Variants in STAB2 observed in about 807,000 individuals in gnomAD.
STAB2 encodes the protein stabilin-2.
A neutral mutation model predicts 338.1 loss-of-function variants in STAB2; 288 were observed. The ratio of observed to expected loss-of-function variants is 0.85; its 90% CI spans 0.77 to 0.94. The LOEUF is 0.94. Among genes scored for constraint, STAB2 ranks in the 40% least tolerant of loss-of-function variants. STAB2 has a pLI of 0.00. For missense variants in STAB2, 3,141 were observed against 3,210.1 expected, an observed-to-expected ratio of 0.98 and a Z score of 0.52; for synonymous variants, 1,202 against 1,193.3, an observed-to-expected ratio of 1.01 and a Z score of -0.15.
chr12:103,759,378 C>T (rs1193709569), intron 65 of STAB2, 105 bp downstream of exon 65: 2 of 1,461,140 alleles, frequency 1.4e-6, no homozygotes, highest in Non-Finnish European at 9.1e-7. Flanking sequence ...CAAACATAAA[C>T]TCTAAACCTG....
In STAB2 at chr12:103,695,567, A is replaced by C; in HGVS notation, c.3393A>C (p.Arg1131Ser). 6.2e-7 allele frequency: 1 copy of C among 1,614,158 alleles called. No individual in the cohort carries two copies. Among genetic ancestry groups the C allele is most frequent in the Non-Finnish European group, 8.5e-7 (1 of 1,180,030 alleles). ...TTTTTCAGGTGCTGGTCCCACAAAG[A>C]CGTCTAACTGGCTCCTTACCAAACC... ...HIINKVLVPQ[R>S]RLTGSLPNLL... The change falls in exon 32 of 69, where the codon AGA (arginine) becomes AGC (serine). Residue 1131 changes from arginine to serine, a missense_variant. By Grantham distance (110) the Arg-to-Ser change is moderately radical. Transcript: ENST00000388887.
At chr12:103,707,245 T>C (rs1016575715) in intron 38 of STAB2, among the ~76,000 whole-genome samples, 3 of 152,268 alleles carry the variant, frequency 2.0e-5, no homozygotes, top group Non-Finnish European at 2.9e-5. Flanking sequence ...CCAGCCCAAA[T>C]GCGTTTTTAT....
intron 64 of STAB2, among the ~76,000 whole-genome samples, chr12:103,758,929 C>T (rs1884336264): frequency 6.6e-6 from 1 of 152,178 alleles, no homozygotes; most frequent in Admixed American, 6.5e-5. Flanking sequence ...AAATGACATT[C>T]AATCCCCCAT....
In STAB2 at chr12:103,660,769, T is replaced by C; in HGVS notation, c.1869+6T>C. 2 of 1,613,814 alleles carry C rather than the reference T, an allele frequency of 1.2e-6. No individual in the cohort carries two copies. The highest frequency in any genetic ancestry group is 1.7e-6 in the Non-Finnish European group (2 of 1,179,824). ...AGTTCAACACCACCGACAATGTAAG[T>C]GAAAACTCAACCACCACCAGCATCA... On this transcript the variant is annotated splice_donor_region_variant and intron_variant, in intron 17 of 68. Coordinates refer to ENST00000388887, the MANE Select transcript of STAB2 (RefSeq NM_017564.10).
chr12:103,678,366 C>T (rs1876579920), intron 25 of STAB2, among the ~76,000 whole-genome samples: 1 of 152,156 alleles, frequency 6.6e-6, no homozygotes. Flanking sequence ...TGATATCTCC[C>T]ACTTGACCCC....
intron 15 of STAB2, among the ~76,000 whole-genome samples, chr12:103,656,143 C>T (rs527434940): frequency 1.3e-5 from 2 of 152,328 alleles, no homozygotes; most frequent in South Asian, 2.1e-4. Context: ...TGACTGAAAC[C>T]ATTTAAAGTG....
rs150530101 is a variant in STAB2 at position 103,637,594 on chromosome 12, C to A, written c.709+358C>A. Among the ~76,000 whole-genome samples the A allele has an allele frequency of 2.6e-3, 399 of 152,206 alleles. 3 individuals carry two copies. In the Middle Eastern group the frequency reaches 0.027, roughly 10 times the overall value. ...CCGTCTGGGTTCAGTCCCAGATCTG[C>A]CTTCTACTGACTACATGACCTTTAA... On this transcript the variant is annotated intron_variant, in intron 7 of 68. Transcript: ENST00000388887.
chr12:103,678,224 G>C (rs960718497), intron 25 of STAB2, among the ~76,000 whole-genome samples: 1 of 152,172 alleles, frequency 6.6e-6, no homozygotes, highest in African/African-American at 2.4e-5. Context: ...TTTGAATCTT[G>C]ATACAGTTTC....
chr12:103,648,472 A>G (rs1282127903), intron 9 of STAB2, among the ~76,000 whole-genome samples: 1 of 152,196 alleles, frequency 6.6e-6, no homozygotes, highest in Non-Finnish European at 1.5e-5. Flanking sequence ...GACAAAGAGC[A>G]TACAAAGATA....
chr12:103,633,221 T>C (rs1234235722), intron 6 of STAB2, among the ~76,000 whole-genome samples: 3 of 152,196 alleles, frequency 2.0e-5, no homozygotes, highest in African/African-American at 7.2e-5. Flanking sequence ...GAAGCCAGCC[T>C]AAGGGAAAAC....
rs1009011055 is a variant in STAB2 at position 103,631,499 on chromosome 12, G to A, written c.488-99G>A. On this transcript the variant is annotated intron_variant, in intron 5 of 68. Transcript: ENST00000388887. Reference sequence around the variant, plus strand: ...AGAGGAGCCAAAGTTCAAACAACATGCAGAGTCTCAGCAAAGATGATCTAA... The same window carrying A: ...AGAGGAGCCAAAGTTCAAACAACATACAGAGTCTCAGCAAAGATGATCTAA... 2.6e-5 allele frequency: 30 copies of A among 1,152,422 alleles called. No homozygotes were observed. The African/African-American group carries it at 3.4e-4, about 13-fold the overall frequency. 71.4% of individuals were successfully genotyped at this position (1,152,422 alleles called of 1,614,324 possible). A position where few individuals can be genotyped will look rare whatever the true frequency, so the allele number is the denominator to read the frequency against.
Position 103,735,580 on chromosome 12 carries a change from C to T in STAB2, c.5550C>T (p.Ile1850=), listed in dbSNP as rs780330252. The T allele has an allele frequency of 6.3e-5, 52 of 820,350 alleles. No homozygotes were observed. Among genetic ancestry groups the T allele is most frequent in the Middle Eastern group, 3.7e-4 (1 of 2,682 alleles). 50.8% of individuals were successfully genotyped at this position (820,350 alleles called of 1,614,324 possible). A position where few individuals can be genotyped will look rare whatever the true frequency, so the allele number is the denominator to read the frequency against. The change falls in exon 52 of 69, where the codon ATC becomes ATT. Residue 1850 remains isoleucine, a splice_region_variant and synonymous_variant. Coordinates refer to ENST00000388887, the MANE Select transcript of STAB2 (RefSeq NM_017564.10). ...LSVKCGAGRD[I]GDLFLNGQTC... ...TGAAATGTGGAGCTGGCAGGGACAT[C>T]GTGAGTATCATCATGAAGGGTGGGC... is the stretch of plus-strand genomic sequence containing the variant.
At chr12:103,734,279 A>G (rs1448255352) in intron 51 of STAB2, among the ~76,000 whole-genome samples, 3 of 151,410 alleles carry the variant, frequency 2.0e-5, no homozygotes, top group Non-Finnish European at 4.4e-5. Context: ...GCAAGATCAT[A>G]TAGGAGCAAG....
intron 2 of STAB2, 81 bp downstream of exon 2, chr12:103,591,111 T>C (rs1226529520): frequency 6.3e-7 from 1 of 1,585,300 alleles, no homozygotes; most frequent in African/African-American, 1.4e-5. Context: ...AGCATTTCCA[T>C]GACTTTTCTC....
intron 10 of STAB2, among the ~76,000 whole-genome samples, chr12:103,650,094 C>T (rs1873625271): frequency 2.0e-5 from 3 of 152,078 alleles, no homozygotes; most frequent in African/African-American, 4.8e-5. Flanking sequence ...GAGCATTAAA[C>T]CAATCATCGG....
At position 103,764,068 on chromosome 12, in the gene STAB2, C is replaced by T. The variant is rs111913093; in HGVS notation, c.7605+460C>T. Among the ~76,000 whole-genome samples the T allele has an allele frequency of 4.1e-3, 628 of 152,088 alleles. 4 individuals are homozygous for T. The highest frequency in any genetic ancestry group is 5.5e-3 in the Non-Finnish European group (372 of 67,994). ...TGGCACGATCTCGGCTCATTGCAAC[C>T]TCTGCCTCCCGAGTAGCTGGGATTA... is the stretch of plus-strand genomic sequence containing the variant. On this transcript the variant is annotated intron_variant, in intron 68 of 68. Transcript: ENST00000388887.
At chr12:103,706,302 A>G (rs1879341600) in intron 37 of STAB2, among the ~76,000 whole-genome samples, 2 of 152,264 alleles carry the variant, frequency 1.3e-5, no homozygotes, top group Admixed American at 6.5e-5. Context: ...GGCAAGGCAA[A>G]CCCAAGCAGA....
At chr12:103,703,112 G>A in intron 34 of STAB2, 36 bp from the exon 35 acceptor site, 1 of 1,599,704 alleles carries the variant, frequency 6.3e-7, no homozygotes, top group Admixed American at 1.7e-5. Flanking sequence ...CTCTTTAAAT[G>A]TCATAAAAAG....
At chr12:103,649,843 T>G (rs1363382971) in intron 10 of STAB2, among the ~76,000 whole-genome samples, 1 of 151,970 alleles carries the variant, frequency 6.6e-6, no homozygotes, top group African/African-American at 2.4e-5. Flanking sequence ...GAGGTAGTGT[T>G]TTTTGCAGAC....
Sources: gnomAD v4.1 joint callset for allele counts (sites outside exome capture counted in the v4.1 genomes callset) on GRCh38, gnomAD v4.1.1 for gene constraint, MANE v1.5 for transcripts, NCBI Gene and HGNC (gene_info 2026-07-23, HGNC 2026-07-21) for gene names.